SMOX: variants seen among roughly 807,000 people sequenced by gnomAD.
The protein encoded by SMOX is spermine oxidase.
A neutral mutation model predicts 51.0 loss-of-function variants in SMOX; 22 were observed. That is an observed-to-expected ratio of 0.43 (90% CI 0.31 to 0.62). The LOEUF (loss-of-function observed/expected upper bound fraction) is 0.62. SMOX is among the 20% of genes least tolerant of loss of function. The probability of loss-of-function intolerance (pLI) is 0.10; values close to 1 mark genes in which losing one functional copy is unlikely to be tolerated. For synonymous variants in SMOX, 282 were observed against 307.8 expected (o/e 0.92, Z 0.88); for missense variants, 566 against 777.7 (o/e 0.73, Z 3.24).
chr20:4,180,071 T>C (rs938053448), intron 3 of SMOX, among the ~76,000 whole-genome samples: 29 of 152,152 alleles, frequency 1.9e-4, no homozygotes, highest in African/African-American at 6.8e-4. Flanking sequence ...AGGTTGCTTA[T>C]CGCCCAAGGG....
chr20:4,176,998 C>T (rs1475786640), intron 2 of SMOX, among the ~76,000 whole-genome samples: 2 of 152,100 alleles, frequency 1.3e-5, no homozygotes, highest in Non-Finnish European at 2.9e-5. Context: ...CCTCAGGTAC[C>T]CACAGTGCTT....
chr20:4,182,235 C>G lies in SMOX; in HGVS notation c.756C>G (p.Ala252=), dbSNP rs1439020006. The change falls in exon 5 of 7, where the codon GCC becomes GCG. Residue 252 remains alanine (A), a synonymous_variant. Coordinates refer to ENST00000305958, the MANE Select transcript of SMOX (RefSeq NM_175839.3). The surrounding 1 kb of genome is among the most constrained non-coding windows in gnomAD (Gnocchi z 8.4). ...VVELLAEGIP[A]HVIQLGKPVR... ...AGCTGCTGGCGGAGGGCATCCCTGC[C>G]CACGTCATCCAGCTAGGGAAACCTG... The G allele has an allele frequency of 6.2e-7, 1 of 1,613,698 alleles. No individual in the cohort carries two copies.
rs375623126 is a variant in SMOX at position 4,182,011 on chromosome 20, G to T, written c.609+35G>T. On this transcript the variant is annotated intron_variant, in intron 4 of 6. Transcript: ENST00000305958. This position sits in a 1 kb window ranked among gnomAD's most constrained non-coding sequence, Gnocchi z 8.4. ...GGAAGACGGATTCTGGGGGCGTCTGGGTCTGAGGAGGGCTACGCTGCTCCT... is the reference window on the plus strand; with the variant it reads ...GGAAGACGGATTCTGGGGGCGTCTGTGTCTGAGGAGGGCTACGCTGCTCCT... The T allele has an allele frequency of 2.8e-4, 444 of 1,609,434 alleles. 1 individual carries two copies. Among genetic ancestry groups the T allele is most frequent in the Non-Finnish European group, 4.5e-5 (53 of 1,177,496 alleles).
In SMOX at chr20:4,170,395, G is replaced by T. The variant is rs1462103792; in HGVS notation, c.-26-4635G>T. On this transcript the variant is annotated intron_variant, in intron 1 of 6. Transcript: ENST00000305958. This position sits in a 1 kb window ranked among gnomAD's most constrained non-coding sequence, Gnocchi z 4.6. ...CAGGCGGGGCTTGGCAGGGTCAGAC[G>T]TTGGAGACCAGGACTAACGCGTGTC... 6.6e-6 allele frequency among the ~76,000 whole-genome samples: 1 copy of T among 152,128 alleles called. No homozygotes were observed. Among genetic ancestry groups the T allele is most frequent in the South Asian group, 2.1e-4 (1 of 4,832 alleles).
chr20:4,158,099 AC>A (rs1209926717), intron 1 of SMOX, among the ~76,000 whole-genome samples: 12 of 148,582 alleles, frequency 8.1e-5, no homozygotes, highest in African/African-American at 2.7e-4. Flanking sequence ...ATGGTGTTTC[AC>A]CTTGTTAGCC....
chr20:4,172,630 C>A lies in SMOX; in HGVS notation c.-26-2400C>A, dbSNP rs1978494724. Among the ~76,000 whole-genome samples, 1 of 152,076 alleles carries A rather than the reference C, an allele frequency of 6.6e-6. No individual in the cohort carries two copies. The highest frequency in any genetic ancestry group is 1.5e-5 in the Non-Finnish European group (1 of 68,016). On this transcript the variant is annotated intron_variant, in intron 1 of 6. Transcript: ENST00000305958. The surrounding 1 kb of genome is among the most constrained non-coding windows in gnomAD (Gnocchi z 7.7). ...CTCATCCCCAGCGAAAGCGCGACACCCGCTGTCTGGGAAGGGGAGCGGGAG... is the reference window on the plus strand; with the variant it reads ...CTCATCCCCAGCGAAAGCGCGACACACGCTGTCTGGGAAGGGGAGCGGGAG...
intron 6 of SMOX, among the ~76,000 whole-genome samples, chr20:4,185,712 G>A (rs1979677519): frequency 9.8e-6 from 1 of 102,220 alleles, no homozygotes; most frequent in African/African-American, 6.1e-5. Flanking sequence ...TGGCCAACAT[G>A]GCGAAACCCT....
At chr20:4,180,541 C>T (rs765405408) in intron 3 of SMOX, among the ~76,000 whole-genome samples, 6 of 152,190 alleles carry the variant, frequency 3.9e-5, no homozygotes, top group African/African-American at 7.2e-5. Context: ...GTGATCCTGC[C>T]GCCTTCTTGC....
chr20:4,187,500 A>G lies in SMOX; in HGVS notation c.*93A>G. 1 of 1,536,850 alleles carries G rather than the reference A, an allele frequency of 6.5e-7. No homozygotes were observed. The highest frequency in any genetic ancestry group is 8.8e-7 in the Non-Finnish European group (1 of 1,139,116). On this transcript the variant is annotated 3_prime_UTR_variant, in exon 7 of 7. Transcript: ENST00000305958. The surrounding 1 kb of genome is among the most constrained non-coding windows in gnomAD (Gnocchi z 4.8). ...CTCCTGCCTTCCTGATCCTCTGTAG[A>G]AAGGATTTTTATCTTCTGTAGAGCT...
In SMOX at chr20:4,149,420, G is replaced by A. The variant is rs1036595999; in HGVS notation, c.-27+443G>A. Reference sequence around the variant, plus strand: ...TCGGGCTGCCGGGAGGGTGGGCACCGGGGAGAGGACAGAAGGCTCCCGGGT... The same window carrying A: ...TCGGGCTGCCGGGAGGGTGGGCACCAGGGAGAGGACAGAAGGCTCCCGGGT... On this transcript the variant is annotated intron_variant, in intron 1 of 6. Coordinates refer to ENST00000305958, the MANE Select transcript of SMOX (RefSeq NM_175839.3). This position sits in a 1 kb window ranked among gnomAD's most constrained non-coding sequence, Gnocchi z 6.0. Among the ~76,000 whole-genome samples the A allele has an allele frequency of 3.3e-5, 5 of 149,898 alleles. No individual in the cohort carries two copies. Among genetic ancestry groups the A allele is most frequent in the African/African-American group, 1.3e-4 (5 of 39,998 alleles).
chr20:4,179,530 G>T (rs1568744755), intron 3 of SMOX, among the ~76,000 whole-genome samples: 1 of 152,210 alleles, frequency 6.6e-6, no homozygotes. Flanking sequence ...TTGCCTCAGT[G>T]TGGCTTCATA....
At position 4,172,708 on chromosome 20, in the gene SMOX, C is replaced by A. The variant is rs947860373; in HGVS notation, c.-26-2322C>A. On this transcript the variant is annotated intron_variant, in intron 1 of 6. Coordinates refer to ENST00000305958, the MANE Select transcript of SMOX (RefSeq NM_175839.3). This position sits in a 1 kb window ranked among gnomAD's most constrained non-coding sequence, Gnocchi z 7.7. ...GGATGTGGCTCCGGGTCTCGGGCGC[C>A]ACCTACCGGCCCTTTTGGGAACCGA... Among the ~76,000 whole-genome samples, 1 of 151,700 alleles carries A rather than the reference C, an allele frequency of 6.6e-6. No homozygotes were observed. Among genetic ancestry groups the A allele is most frequent in the African/African-American group, 2.4e-5 (1 of 41,264 alleles).
rs138666566 is a variant in SMOX at position 4,175,105 on chromosome 20, G to A, written c.50G>A (p.Arg17His). ...GACAGTGCGGATGACCCTCTCAGTC[G>A]CGGCCTACGGAGAAGGGGACAGCCT... ...SGDSADDPLS[R>H]GLRRRGQPRV... Residue 17 changes from arginine (R) to histidine (H), a missense_variant, in exon 2 of 7, where the codon CGC becomes CAC. This residue lies in a region of SMOX where 217 missense variants were observed against 278.4 expected (regional missense o/e 0.78). Coordinates refer to ENST00000305958, the MANE Select transcript of SMOX (RefSeq NM_175839.3). The A allele has an allele frequency of 1.6e-5, 26 of 1,614,240 alleles. No homozygotes were observed. Among genetic ancestry groups the A allele is most frequent in the Middle Eastern group, 3.3e-4 (2 of 6,058 alleles).
At chr20:4,180,398 A>G (rs1979233541) in intron 3 of SMOX, among the ~76,000 whole-genome samples, 1 of 152,148 alleles carries the variant, frequency 6.6e-6, no homozygotes. Flanking sequence ...GACAGGGCAG[A>G]CACCATTCCC....
intron 1 of SMOX, among the ~76,000 whole-genome samples, chr20:4,156,021 T>C (rs1382832648): frequency 1.3e-5 from 2 of 152,098 alleles, no homozygotes; most frequent in Non-Finnish European, 2.9e-5. Flanking sequence ...TCCTGCGGGA[T>C]GGGAGGGGAT....
chr20:4,157,962 G>A (rs942580781), intron 1 of SMOX, among the ~76,000 whole-genome samples: 6 of 151,884 alleles, frequency 4.0e-5, no homozygotes, highest in South Asian at 4.2e-4. Context: ...GTGCAGCGGC[G>A]CGATCTCGGC....
chr20:4,152,008 T>G (rs945114667), intron 1 of SMOX, among the ~76,000 whole-genome samples: 4 of 152,202 alleles, frequency 2.6e-5, no homozygotes, highest in Non-Finnish European at 5.9e-5. Flanking sequence ...TGAGGATTTT[T>G]ATTTTCTTTC....
chr20:4,156,942 C>T lies in SMOX; in HGVS notation c.-27+7965C>T, dbSNP rs6052406. On this transcript the variant is annotated intron_variant, in intron 1 of 6. Transcript: ENST00000305958. ...GTTTTTAGTAGAGGTGGGGTTTCACCGTGTTGCCCAGGCTGGTCTGGAACT... is the reference window on the plus strand; with the variant it reads ...GTTTTTAGTAGAGGTGGGGTTTCACTGTGTTGCCCAGGCTGGTCTGGAACT... 7.2e-3 allele frequency among the ~76,000 whole-genome samples: 1,091 copies of T among 152,256 alleles called. 17 individuals are homozygous for T. Among genetic ancestry groups the T allele is most frequent in the African/African-American group, 0.025 (1,042 of 41,544 alleles).
chr20:4,175,299 A>T, intron 2 of SMOX, 36 bp downstream of exon 2: 1 of 1,601,796 alleles, frequency 6.2e-7, no homozygotes, highest in Non-Finnish European at 8.5e-7. Context: ...CCACCTCCCC[A>T]GGTCACCTTT....
Sources: allele counts gnomAD v4.1 joint callset (sites outside exome capture counted in the v4.1 genomes callset), GRCh38; gene constraint gnomAD v4.1.1; regional missense constraint gnomAD v4.1.1; non-coding constraint Gnocchi (gnomAD v3.1); transcripts MANE v1.5; gene names NCBI Gene and HGNC (gene_info 2026-07-23, HGNC 2026-07-21).